LNPK: variants seen among roughly 807,000 people sequenced by gnomAD.
LNPK encodes endoplasmic reticulum junction formation protein lunapark.
LNPK carries 29 observed loss-of-function variants against 55.2 expected under a neutral mutation model. The ratio of observed to expected loss-of-function variants is 0.53; its 90% CI spans 0.39 to 0.72. LNPK has a LOEUF of 0.72. Ranked by LOEUF, LNPK falls within the 30% of genes least tolerant of loss-of-function variation. LNPK has a pLI of 0.00. For missense variants in LNPK, 467 were observed against 494.8 expected (o/e 0.94, Z 0.53); for synonymous variants, 162 against 168.2 (o/e 0.96, Z 0.29).
intron 6 of LNPK, 65 bp from the exon 7 acceptor site, chr2:175,964,654 C>G: frequency 1.2e-6 from 1 of 864,216 alleles, no homozygotes; most frequent in Non-Finnish European, 1.9e-6. Context: ...TGTATAAGTC[C>G]TATTCAAAAA....
chr2:175,968,566 A>AT (rs1686486679), intron 6 of LNPK, among the ~76,000 whole-genome samples: 1 of 152,212 alleles, frequency 6.6e-6, no homozygotes, highest in African/African-American at 2.4e-5. Context: ...GAATGGTAAA[A>AT]TGCACACAGA....
In LNPK at chr2:175,992,385, T is replaced by C; in HGVS notation, c.103A>G (p.Asn35Asp). ...IQALEEFREK[N>D]QRLQKLWVGR... is the part of the protein sequence containing the mutation. ...ACCCATAATTTTTGTAATCTCTGAT[T>C]TTTTTCCCTAAATTCTTCCAATGCT... The change falls in exon 4 of 13, where the codon AAT (asparagine) becomes GAT (aspartate). Residue 35 changes from asparagine to aspartate, a missense_variant. By Grantham distance (23) the Asn-to-Asp change is conservative. Coordinates refer to ENST00000272748, the MANE Select transcript of LNPK (RefSeq NM_030650.3). The C allele has an allele frequency of 1.3e-6, 2 of 1,510,132 alleles. No homozygotes were observed. Among genetic ancestry groups the C allele is most frequent in the Non-Finnish European group, 1.8e-6 (2 of 1,135,506 alleles). The allele number at this position is 1,510,132 out of a possible 1,614,324, so 93.5% of individuals were successfully genotyped here.
chr2:175,979,044 A>G (rs1222775707), intron 5 of LNPK, among the ~76,000 whole-genome samples: 1 of 152,156 alleles, frequency 6.6e-6, no homozygotes, highest in African/African-American at 2.4e-5. Flanking sequence ...AGCAAATGAT[A>G]CTTATGAGAT....
intron 6 of LNPK, among the ~76,000 whole-genome samples, chr2:175,964,951 T>A (rs977322030): frequency 6.6e-6 from 1 of 152,212 alleles, no homozygotes; most frequent in Non-Finnish European, 1.5e-5. Context: ...TATTTCCTCA[T>A]AGCACTTAAT....
At position 176,002,265 on chromosome 2, in the gene LNPK, G is replaced by A. The variant is rs1050100031; in HGVS notation, c.-168C>T. 4.5e-6 allele frequency: 2 copies of A among 449,176 alleles called. No homozygotes were observed. The highest frequency in any genetic ancestry group is 1.6e-5 in the South Asian group (1 of 63,726). The allele number at this position is 449,176 out of a possible 1,614,324, so 27.8% of individuals were successfully genotyped here. A position where few individuals can be genotyped will look rare whatever the true frequency, so the allele number is the denominator to read the frequency against. Reference sequence around the variant, plus strand: ...AGGCAGCAGCCGCCACTGACAGAGAGACAAGCCGGGCCAACTCCTTCCCAT... The same window carrying A: ...AGGCAGCAGCCGCCACTGACAGAGAAACAAGCCGGGCCAACTCCTTCCCAT... On this transcript the variant is annotated 5_prime_UTR_variant, in exon 1 of 13. Transcript: ENST00000272748.
chr2:175,933,880 C>T (rs932855388), intron 12 of LNPK, among the ~76,000 whole-genome samples: 44 of 152,030 alleles, frequency 2.9e-4, no homozygotes, highest in African/African-American at 9.9e-4. Flanking sequence ...TACAGGTGCA[C>T]GCCACCACAC....
intron 12 of LNPK, among the ~76,000 whole-genome samples, chr2:175,935,075 T>C (rs184830941): frequency 1.3e-5 from 2 of 152,010 alleles, no homozygotes; most frequent in Admixed American, 1.3e-4. Context: ...ACATCACAGA[T>C]TGAAAAAAAA....
intron 4 of LNPK, 63 bp downstream of exon 4, chr2:175,992,168 G>A: frequency 1.0e-6 from 1 of 996,046 alleles, no homozygotes; most frequent in Non-Finnish European, 1.5e-6. Context: ...ATACATATTA[G>A]ATATACATTA....
At chr2:175,992,091 C>A (rs1687728204) in intron 4 of LNPK, 140 bp downstream of exon 4, 1 of 556,160 alleles carries the variant, frequency 1.8e-6, no homozygotes, top group Non-Finnish European at 3.0e-6. Flanking sequence ...CTAAAAAAAT[C>A]TTTTCAAATT....
intron 4 of LNPK, among the ~76,000 whole-genome samples, chr2:175,991,270 G>A (rs1001826424): frequency 6.6e-6 from 1 of 151,974 alleles, no homozygotes; most frequent in Non-Finnish European, 1.5e-5. Flanking sequence ...AAAAAGATAA[G>A]GGAAACAAGG....
Position 175,947,651 on chromosome 2 carries a change from T to A in LNPK, c.535A>T (p.Thr179Ser). 1.9e-6 allele frequency: 3 copies of A among 1,613,688 alleles called. No individual in the cohort carries two copies. The highest frequency in any genetic ancestry group is 2.5e-6 in the Non-Finnish European group (3 of 1,179,842). The change falls in exon 9 of 13, where the codon ACA becomes TCA. Residue 179 changes from threonine to serine, a missense_variant. Transcript: ENST00000272748. ...GGGCCCTGGTTAGGGCTTGCTGGTG[T>A]TGGAGAAAGGTTTCTTTGAGCTGCA... is the stretch of plus-strand genomic sequence containing the variant. ...RTAAQRNLSP[T>S]PASPNQGPPP...
chr2:175,935,718 T>C (rs1390748249), intron 12 of LNPK: 2 of 946,254 alleles, frequency 2.1e-6, no homozygotes, highest in South Asian at 4.9e-5. Flanking sequence ...CTTATTGGGG[T>C]TGGGTTTGAG....
intron 9 of LNPK, among the ~76,000 whole-genome samples, chr2:175,943,714 C>T (rs1684978688): frequency 6.6e-6 from 1 of 151,968 alleles, no homozygotes; most frequent in South Asian, 2.1e-4. Flanking sequence ...TGAAAAAATA[C>T]ACAATCTATT....
intron 9 of LNPK, among the ~76,000 whole-genome samples, chr2:175,940,078 A>C (rs1011404837): frequency 1.3e-5 from 2 of 152,130 alleles, no homozygotes; most frequent in African/African-American, 2.4e-5. Context: ...AATACTGTGC[A>C]AAACATATGA....
At position 175,961,592 on chromosome 2, in the gene LNPK, TATC is replaced by T. The variant is rs562810101; in HGVS notation, c.493+2777_493+2779del. On this transcript the variant is annotated intron_variant, in intron 8 of 12. Transcript: ENST00000272748. ...CTATTTATGACAAACCTACAGCAAA[TATC>T]ATATTGAATGGGCAAAAACTGGAAG... 1.3e-3 allele frequency among the ~76,000 whole-genome samples: 192 copies of T among 152,226 alleles called. 2 individuals carry two copies. Among genetic ancestry groups the T allele is most frequent in the East Asian group, 0.01 (54 of 5,186 alleles).
chr2:175,967,743 G>C (rs1034226308), intron 6 of LNPK: 16 of 974,284 alleles, frequency 1.6e-5, no homozygotes, highest in Non-Finnish European at 2.0e-5. Flanking sequence ...TTTCATATAA[G>C]AGTATTCCAC....
In LNPK at chr2:175,923,960, T is replaced by C. The variant is rs953631132; in HGVS notation, c.*6007A>G. On this transcript the variant is annotated 3_prime_UTR_variant, in exon 13 of 13. Transcript: ENST00000272748. ...TACTTTCTATATTTATATATTTATC[T>C]GTCTACATTCAGAGCCTGAATATAT... The C allele has an allele frequency of 2.8e-4, 43 of 152,342 alleles. No individual in the cohort carries two copies. Among genetic ancestry groups the C allele is most frequent in the African/African-American group, 9.1e-4 (38 of 41,586 alleles). The allele number at this position is 152,342 out of a possible 1,614,324, so 9.4% of individuals were successfully genotyped here.
intron 4 of LNPK, among the ~76,000 whole-genome samples, chr2:175,981,468 T>C (rs758471966): frequency 2.2e-4 from 33 of 152,164 alleles, no homozygotes; most frequent in Non-Finnish European, 4.1e-4. Flanking sequence ...AGATATCTTA[T>C]TGGGATTTGA....
Position 175,924,088 on chromosome 2 carries a change from A to G in LNPK, c.*5879T>C, listed in dbSNP as rs1683905296. The G allele has an allele frequency of 2.0e-5, 3 of 152,200 alleles. No individual in the cohort carries two copies. The South Asian group carries it at 6.2e-4, about 31-fold the overall frequency. 9.4% of individuals were successfully genotyped at this position (152,200 alleles called of 1,614,324 possible). On this transcript the variant is annotated 3_prime_UTR_variant, in exon 13 of 13. Coordinates refer to ENST00000272748, the MANE Select transcript of LNPK (RefSeq NM_030650.3). ...TACAGCAGATCACCAATTCACAATC[A>G]TCTCTACCTTGGTTCATCTTTACAC...
Sources: allele counts gnomAD v4.1 joint callset (sites outside exome capture counted in the v4.1 genomes callset), GRCh38; gene constraint gnomAD v4.1.1; transcripts MANE v1.5; gene names NCBI Gene and HGNC (gene_info 2026-07-23, HGNC 2026-07-21).